TP63: variants seen among roughly 807,000 people sequenced by gnomAD.
The protein encoded by TP63 is tumor protein p63.
In TP63, 17 loss-of-function variants were observed where a neutral mutation model predicts 82.8. That is an observed-to-expected ratio of 0.21 (90% CI 0.14 to 0.31). The LOEUF (loss-of-function observed/expected upper bound fraction) is 0.31, where lower values mean the gene tolerates loss of function less well. Ranked by LOEUF, TP63 falls within the 10% of genes least tolerant of loss-of-function variation. TP63 has a pLI of 1.00. For missense variants in TP63, 648 were observed against 895.3 expected (o/e 0.72, Z 3.52); for synonymous variants, 330 against 321.7 (o/e 1.03, Z -0.28).
intron 1 of TP63, among the ~76,000 whole-genome samples, chr3:189,702,718 A>G (rs74634332): frequency 6.9e-4 from 105 of 152,350 alleles, no homozygotes; most frequent in Non-Finnish European, 1.4e-3. Flanking sequence ...CAGAGCAAAA[A>G]GTACAGACAT....
At chr3:189,680,177 A>C (rs951449076) in intron 1 of TP63, among the ~76,000 whole-genome samples, 2 of 152,058 alleles carry the variant, frequency 1.3e-5, no homozygotes, top group African/African-American at 4.8e-5. Context: ...ATCTGTAGAT[A>C]TCTTTTGGGT....
At chr3:189,876,971 C>T (rs181952997) in intron 10 of TP63, among the ~76,000 whole-genome samples, 17 of 152,212 alleles carry the variant, frequency 1.1e-4, no homozygotes, top group East Asian at 9.6e-4. Context: ...GGGAAGAGAA[C>T]GTACTTTCTG....
intron 1 of TP63, among the ~76,000 whole-genome samples, chr3:189,715,239 A>C (rs1231822769): frequency 6.6e-6 from 1 of 152,178 alleles, no homozygotes; most frequent in Non-Finnish European, 1.5e-5. Context: ...CCTCTTAGTC[A>C]CCCTGAGTAG....
At chr3:189,723,751 G>T (rs1719562584) in intron 1 of TP63, among the ~76,000 whole-genome samples, 1 of 152,066 alleles carries the variant, frequency 6.6e-6, no homozygotes, top group Non-Finnish European at 1.5e-5. Flanking sequence ...TATCTACCAG[G>T]TATCCTTAAG....
chr3:189,597,977 T>C, the TP63 span, among the ~76,000 whole-genome samples: 1 of 150,392 alleles, frequency 6.6e-6, no homozygotes, highest in Non-Finnish European at 1.5e-5. Flanking sequence ...TAGAAGGAGA[T>C]GTAAATAATT....
chr3:189,724,448 C>T (rs538707275), intron 1 of TP63, among the ~76,000 whole-genome samples: 2 of 152,234 alleles, frequency 1.3e-5, no homozygotes, highest in South Asian at 2.1e-4. Context: ...ACACTGAACC[C>T]GATTTGTAGT....
At chr3:189,638,533 A>G (rs1036721591) in intron 1 of TP63, among the ~76,000 whole-genome samples, 2 of 152,144 alleles carry the variant, frequency 1.3e-5, no homozygotes, top group African/African-American at 4.8e-5. Context: ...TTACACAGAG[A>G]TATATCTGAC....
intron 11 of TP63, among the ~76,000 whole-genome samples, chr3:189,887,477 T>C (rs1383393262): frequency 6.6e-6 from 1 of 152,072 alleles, no homozygotes; most frequent in Non-Finnish European, 1.5e-5. Flanking sequence ...ATCAGCTAAG[T>C]ACAAATGAAA....
chr3:189,805,498 C>T (rs1175407726), intron 3 of TP63, among the ~76,000 whole-genome samples: 2 of 152,206 alleles, frequency 1.3e-5, no homozygotes, highest in African/African-American at 4.8e-5. Flanking sequence ...GTTTTATTAA[C>T]TTCACTGGTG....
At chr3:189,597,258 T>A in the TP63 span, among the ~76,000 whole-genome samples, 1 of 152,138 alleles carries the variant, frequency 6.6e-6, no homozygotes, top group South Asian at 2.1e-4. Flanking sequence ...CAGTTTTCAG[T>A]TGAAACCCAA....
chr3:189,801,527 T>C (rs1726304656), intron 3 of TP63, among the ~76,000 whole-genome samples: 1 of 151,950 alleles, frequency 6.6e-6, no homozygotes, highest in African/African-American at 2.4e-5. Flanking sequence ...TTTTAAAATT[T>C]ATTTTTCTTA....
rs117473470 is a variant in TP63, at chr3:189,875,947, G to C, written c.1349+2952G>C. The stretch of plus-strand genomic sequence containing the variant: ...ACAACCTCATTGTCAGATGAGGCTG[G>C]AATAGTTGACTTGATTCACGTCACA... On this transcript the variant is annotated intron_variant, in intron 10 of 13. Coordinates refer to ENST00000264731, the MANE Select transcript of TP63 (RefSeq NM_003722.5). 1.3e-3 allele frequency among the ~76,000 whole-genome samples: 196 copies of C among 152,082 alleles called. 2 individuals carry two copies. In the South Asian group the frequency reaches 0.022, roughly 17 times the overall value.
At chr3:189,628,017 T>C (rs1729357571), upstream of TP63, among the ~76,000 whole-genome samples, 1 of 152,144 alleles carries the variant, frequency 6.6e-6, no homozygotes, top group South Asian at 2.1e-4. Context: ...ATATTTTTGC[T>C]AGCTCCTGAA....
chr3:189,880,658 CTCAG>C (rs1270929194), intron 10 of TP63: 33 of 985,338 alleles, frequency 3.3e-5, no homozygotes, highest in African/African-American at 2.4e-4. Context: ...GACTGAGAGA[CTCAG>C]TCAGACCCTT....
chr3:189,610,066 C>T, the TP63 span, among the ~76,000 whole-genome samples: 1 of 152,114 alleles, frequency 6.6e-6, no homozygotes, highest in African/African-American at 2.4e-5. Flanking sequence ...TAGTAATAGC[C>T]ATTCTGACTG....
Position 189,648,540 on chromosome 3 carries a change from C to G in TP63, c.62+16963C>G, listed in dbSNP as rs1712614271. 1.4e-5 allele frequency among the ~76,000 whole-genome samples: 2 copies of G among 146,904 alleles called. 1 individual carries two copies. The highest frequency in any genetic ancestry group is 5.1e-5 in the African/African-American group (2 of 39,224). On this transcript the variant is annotated intron_variant, in intron 1 of 13. Coordinates refer to ENST00000264731, the MANE Select transcript of TP63 (RefSeq NM_003722.5). ...GGTACATTTACTTATATTGCTTTTC[C>G]TGACCACTGGGATACAATTTCTTTT...
At chr3:189,879,996 A>T in intron 10 of TP63, 1 of 1,576,402 alleles carries the variant, frequency 6.3e-7, no homozygotes, top group South Asian at 1.2e-5. Flanking sequence ...GTGTTTCTGA[A>T]TTCAATTGAT....
intron 1 of TP63, among the ~76,000 whole-genome samples, chr3:189,698,242 G>T (rs1381105972): frequency 6.6e-6 from 1 of 152,006 alleles, no homozygotes; most frequent in Non-Finnish European, 1.5e-5. Context: ...GTCATAAATG[G>T]ATATCGGATG....
chr3:189,742,596 G>A (rs1009454506), intron 3 of TP63, among the ~76,000 whole-genome samples: 1 of 152,126 alleles, frequency 6.6e-6, no homozygotes, highest in Non-Finnish European at 1.5e-5. Flanking sequence ...TAGCTTATTT[G>A]TGTCTGGAAA....
Sources: gnomAD v4.1 joint callset for allele counts (sites outside exome capture counted in the v4.1 genomes callset) on GRCh38, gnomAD v4.1.1 for gene constraint, MANE v1.5 for transcripts, NCBI Gene and HGNC (gene_info 2026-07-23, HGNC 2026-07-21) for gene names.